The following RFT1 variants were observed in gnomAD, a reference collection of about 807,000 sequenced individuals.
RFT1 encodes RFT1 glycolipid translocator homolog.
Under a neutral mutation model 62.2 loss-of-function variants are expected in RFT1, and 43 were observed. That is an observed-to-expected ratio of 0.69 (90% CI 0.54 to 0.89). RFT1 has a LOEUF of 0.89. RFT1 is among the 40% of genes least tolerant of loss of function. The pLI, the probability that RFT1 is intolerant of heterozygous loss-of-function variation, is 0.00. For missense variants in RFT1, 605 were observed against 649.9 expected, an observed-to-expected ratio of 0.93 and a Z score of 0.75; for synonymous variants, 262 against 264.6, an observed-to-expected ratio of 0.99 and a Z score of 0.10.
chr3:53,130,223 G>T, intron 1 of RFT1, 115 bp downstream of exon 1: 1 of 1,049,046 alleles, frequency 9.5e-7, no homozygotes, highest in Non-Finnish European at 1.4e-6. Flanking sequence ...CCCCTCCATT[G>T]CGGGGTCCAC....
intron 1 of RFT1, among the ~76,000 whole-genome samples, chr3:53,127,380 G>A (rs1327016899): frequency 1.3e-5 from 2 of 151,620 alleles, no homozygotes; most frequent in East Asian, 3.9e-4. Flanking sequence ...AGAGATTGTA[G>A]GGCTGGGTAC....
downstream of RFT1, among the ~76,000 whole-genome samples, chr3:53,086,730 C>A (rs1168359594): frequency 1.3e-5 from 2 of 152,234 alleles, no homozygotes; most frequent in African/African-American, 2.4e-5. Context: ...TTCTGACAGG[C>A]TCCACAGGCC....
the RFT1 span, among the ~76,000 whole-genome samples, chr3:53,071,174 C>T: frequency 6.6e-6 from 1 of 152,066 alleles, no homozygotes; most frequent in Admixed American, 6.6e-5. Flanking sequence ...GACACTACAC[C>T]CAGCCTAAAA....
intron 3 of RFT1, among the ~76,000 whole-genome samples, 193 bp downstream of exon 3, chr3:53,123,530 TC>T (rs1702026204): frequency 6.6e-6 from 1 of 152,006 alleles, no homozygotes; most frequent in African/African-American, 2.4e-5. Context: ...CTCCTGGATA[TC>T]CAGAGAGAAA....
chr3:53,079,638 G>A, the RFT1 span, among the ~76,000 whole-genome samples: 4 of 152,142 alleles, frequency 2.6e-5, no homozygotes, highest in African/African-American at 9.7e-5. Flanking sequence ...AGAGGCTGAG[G>A]CAGGAGAATC....
intron 11 of RFT1, among the ~76,000 whole-genome samples, chr3:53,094,326 A>T (rs1701079301): frequency 6.7e-6 from 1 of 150,124 alleles, no homozygotes; most frequent in Non-Finnish European, 1.5e-5. Context: ...ACGCTTTATC[A>T]AAGTGGGTGG....
intron 10 of RFT1, among the ~76,000 whole-genome samples, chr3:53,101,154 G>A (rs895630477): frequency 6.6e-6 from 1 of 152,116 alleles, no homozygotes; most frequent in Admixed American, 6.5e-5. Flanking sequence ...CAGCCCCGAC[G>A]CTCAACAAAA....
At chr3:53,086,352 G>C (rs1025330592), downstream of RFT1, among the ~76,000 whole-genome samples, 1 of 152,070 alleles carries the variant, frequency 6.6e-6, no homozygotes. Flanking sequence ...GTCTCGCTCT[G>C]TCACCCAGGC....
chr3:53,117,265 C>A (rs887163915), intron 6 of RFT1, among the ~76,000 whole-genome samples: 13 of 152,200 alleles, frequency 8.5e-5, no homozygotes, highest in Non-Finnish European at 1.9e-4. Context: ...TTGTAAATGG[C>A]TCTTTGTCAA....
the RFT1 span, among the ~76,000 whole-genome samples, chr3:53,069,976 G>C: frequency 6.6e-6 from 1 of 152,208 alleles, no homozygotes; most frequent in African/African-American, 2.4e-5. Flanking sequence ...CCCTGCAGCA[G>C]AGCAGGCTCT....
rs1700968124 is a variant in RFT1 at position 53,090,858 on chromosome 3, C to G, written c.*1045G>C. The stretch of plus-strand genomic sequence containing the variant: ...CTGCAAGGTGCAGAACACCTGGGCT[C>G]ACACTGTAGCCTGGAGTACCAGGCC... On this transcript the variant is annotated 3_prime_UTR_variant, in exon 13 of 13. Coordinates refer to ENST00000296292, the MANE Select transcript of RFT1 (RefSeq NM_052859.4). 1 of 152,244 alleles carries G rather than the reference C, an allele frequency of 6.6e-6. No homozygotes were observed. Among genetic ancestry groups the G allele is most frequent in the African/African-American group, 2.4e-5 (1 of 41,460 alleles). 9.4% of individuals were successfully genotyped at this position (152,244 alleles called of 1,614,324 possible). A position where few individuals can be genotyped will look rare whatever the true frequency, so the allele number is the denominator to read the frequency against.
intron 10 of RFT1, among the ~76,000 whole-genome samples, chr3:53,102,237 C>T (rs907645098): frequency 1.3e-5 from 2 of 152,200 alleles, no homozygotes; most frequent in Non-Finnish European, 2.9e-5. Flanking sequence ...AGGGGCCTCT[C>T]CTCGAGCCTT....
At position 53,125,981 on chromosome 3, in the gene RFT1, A is replaced by G. The variant is rs750208156; in HGVS notation, c.77T>C (p.Leu26Ser). The G allele has an allele frequency of 6.2e-7, 1 of 1,613,108 alleles. No homozygotes were observed. Among genetic ancestry groups the G allele is most frequent in the African/African-American group, 1.3e-5 (1 of 74,930 alleles). Residue 26 changes from leucine (L) to serine (S), a missense_variant, in exon 2 of 13, where the codon TTG becomes TCG. Transcript: ENST00000296292. ...AAATGCATTCAAGACAAAGGTGATC[A>G]ACCGAAACAACACCTATAGAAAAAG... Reference protein sequence around the residue: ...SGLLLQVLFRLITFVLNAFIL... With the variant: ...SGLLLQVLFRSITFVLNAFIL...
At chr3:53,096,757 T>C (rs1389277341) in intron 11 of RFT1, among the ~76,000 whole-genome samples, 2 of 152,148 alleles carry the variant, frequency 1.3e-5, no homozygotes, top group Admixed American at 6.5e-5. Context: ...TCTCTCTATA[T>C]ATTTTTTGAG....
chr3:53,092,292 TG>T, intron 12 of RFT1, 76 bp downstream of exon 12: 1 of 1,555,958 alleles, frequency 6.4e-7, no homozygotes. Context: ...GGCAAAAACC[TG>T]GGAAGAGGAG....
intron 7 of RFT1, 93 bp from the exon 8 acceptor site, chr3:53,106,962 C>A: frequency 1.1e-6 from 1 of 914,606 alleles, no homozygotes; most frequent in East Asian, 2.6e-5. Context: ...TTCCAGCTGA[C>A]AAATAAAGGA....
At chr3:53,128,228 G>T (rs1702165637) in intron 1 of RFT1, among the ~76,000 whole-genome samples, 1 of 152,150 alleles carries the variant, frequency 6.6e-6, no homozygotes, top group Non-Finnish European at 1.5e-5. Context: ...GGCCCGGGAG[G>T]CGGATGTTGC....
rs867585491 is a variant in RFT1 at position 53,125,985 on chromosome 3, G to A, written c.73C>T (p.Arg25Trp). Residue 25 changes from arginine to tryptophan, a missense_variant, in exon 2 of 13, where the codon CGG becomes TGG. Transcript: ENST00000296292. Reference sequence around the variant, plus strand: ...GCATTCAAGACAAAGGTGATCAACCGAAACAACACCTATAGAAAAAGAGGA... The same window carrying A: ...GCATTCAAGACAAAGGTGATCAACCAAAACAACACCTATAGAAAAAGAGGA... ...SSGLLLQVLFRLITFVLNAFI... is the reference protein window; with the variant it reads ...SSGLLLQVLFWLITFVLNAFI... 7 of 1,612,582 alleles carry A rather than the reference G, an allele frequency of 4.3e-6. No individual in the cohort carries two copies. Among genetic ancestry groups the A allele is most frequent in the Admixed American group, 3.3e-5 (2 of 59,936 alleles).
chr3:53,067,566 G>C, the RFT1 span, among the ~76,000 whole-genome samples: 1 of 152,134 alleles, frequency 6.6e-6, no homozygotes, highest in Non-Finnish European at 1.5e-5. Context: ...CGGGGTCACG[G>C]TTACACAGGT....
Sources: gnomAD v4.1 joint callset for allele counts (sites outside exome capture counted in the v4.1 genomes callset) on GRCh38, gnomAD v4.1.1 for gene constraint, MANE v1.5 for transcripts, NCBI Gene and HGNC (gene_info 2026-07-23, HGNC 2026-07-21) for gene names.